PAK1: variants seen among roughly 807,000 people sequenced by gnomAD.
The protein encoded by PAK1 is p21 (RAC1) activated kinase 1.
PAK1 carries 29 observed loss-of-function variants against 67.4 expected under a neutral mutation model. The ratio of observed to expected loss-of-function variants is 0.43; its 90% CI spans 0.32 to 0.59. PAK1 has a LOEUF of 0.59. Among genes scored for constraint, PAK1 ranks in the 20% least tolerant of loss-of-function variants. The pLI is 0.07. For missense variants in PAK1, 337 were observed against 670.7 expected (o/e 0.50, Z 5.50); for synonymous variants, 223 against 237.4 (o/e 0.94, Z 0.56).
the PAK1 span, among the ~76,000 whole-genome samples, chr11:77,485,820 G>GAGC: frequency 6.6e-5 from 10 of 152,174 alleles, no homozygotes; most frequent in Admixed American, 3.9e-4. Flanking sequence ...GAGTTATCTA[G>GAGC]AGCAGCAGCA....
At chr11:77,433,489 TA>T (rs1369476524) in intron 1 of PAK1, among the ~76,000 whole-genome samples, 1 of 152,022 alleles carries the variant, frequency 6.6e-6, no homozygotes, top group Non-Finnish European at 1.5e-5. Context: ...ATAATAATAG[TA>T]AAAAAGAGGC....
At chr11:77,382,030 T>C (rs1174771723) in intron 2 of PAK1, among the ~76,000 whole-genome samples, 1 of 152,250 alleles carries the variant, frequency 6.6e-6, no homozygotes, top group African/African-American at 2.4e-5. Flanking sequence ...ACTTTCTGTT[T>C]CTAAATTCCC....
the PAK1 span, among the ~76,000 whole-genome samples, chr11:77,503,599 A>G: frequency 6.6e-6 from 1 of 152,184 alleles, no homozygotes; most frequent in East Asian, 1.9e-4. Context: ...ATGGTAGCTC[A>G]TGCCTGTAAT....
intron 1 of PAK1, among the ~76,000 whole-genome samples, chr11:77,450,733 A>G (rs1236855432): frequency 6.6e-6 from 1 of 152,234 alleles, no homozygotes; most frequent in Admixed American, 6.5e-5. Flanking sequence ...TAACAGAGAC[A>G]GAGATCACAA....
intron 1 of PAK1, among the ~76,000 whole-genome samples, chr11:77,413,482 A>C (rs1174140946): frequency 6.6e-6 from 1 of 152,090 alleles, no homozygotes. Flanking sequence ...TCAGGAGTTC[A>C]AGGCCAGCCT....
At chr11:77,434,605 G>A (rs1195229636) in intron 1 of PAK1, among the ~76,000 whole-genome samples, 1 of 151,678 alleles carries the variant, frequency 6.6e-6, no homozygotes, top group Non-Finnish European at 1.5e-5. Context: ...ACACCACTAT[G>A]CCCAGCTAAT....
chr11:77,481,650 G>A, the PAK1 span, among the ~76,000 whole-genome samples: 1 of 143,724 alleles, frequency 7.0e-6, no homozygotes, highest in Non-Finnish European at 1.5e-5. Flanking sequence ...ACTCCAGCCT[G>A]GTGACAGAGG....
At chr11:77,399,527 T>C (rs1952319894) in intron 1 of PAK1, among the ~76,000 whole-genome samples, 1 of 152,132 alleles carries the variant, frequency 6.6e-6, no homozygotes, top group Non-Finnish European at 1.5e-5. Context: ...CAGGGAGAAG[T>C]ATATTAATAT....
At chr11:77,423,237 GACAAT>G (rs1316828179) in intron 1 of PAK1, among the ~76,000 whole-genome samples, 2 of 149,148 alleles carry the variant, frequency 1.3e-5, no homozygotes, top group African/African-American at 5.0e-5. Flanking sequence ...AGCAAATTAA[GACAAT>G]ACTAGATAGA....
chr11:77,409,811 G>A (rs1422777369), intron 1 of PAK1, among the ~76,000 whole-genome samples: 2 of 151,116 alleles, frequency 1.3e-5, no homozygotes, highest in African/African-American at 2.4e-5. Context: ...GGATGAAGGG[G>A]GAAAAAAAGA....
At chr11:77,332,076 G>T (rs999004651) in intron 14 of PAK1, among the ~76,000 whole-genome samples, 1 of 151,430 alleles carries the variant, frequency 6.6e-6, no homozygotes, top group African/African-American at 2.4e-5. Flanking sequence ...AGCGAAGTGC[G>T]CAGATCGCTT....
Position 77,340,772 on chromosome 11 carries a change from A to G in PAK1, c.999-9T>C. ...CATCTCCCACGAGGTAACTGCAGGAATACAGATAAAGGGTGAGAGAGAACA... is the reference window on the plus strand; with the variant it reads ...CATCTCCCACGAGGTAACTGCAGGAGTACAGATAAAGGGTGAGAGAGAACA... On this transcript the variant is annotated splice_polypyrimidine_tract_variant and intron_variant, in intron 10 of 14. Transcript: ENST00000356341. The G allele has an allele frequency of 7.1e-7, 1 of 1,416,952 alleles. No individual in the cohort carries two copies. The highest frequency in any genetic ancestry group is 1.0e-6 in the Non-Finnish European group (1 of 1,000,248). 87.8% of individuals were successfully genotyped at this position (1,416,952 alleles called of 1,614,324 possible).
upstream of PAK1, chr11:77,474,536 T>TA (rs1958026164): frequency 6.6e-6 from 1 of 152,282 alleles, no homozygotes; most frequent in Middle Eastern, 3.4e-3. Flanking sequence ...GAAAGACGGC[T>TA]AACTTCCGGC....
At chr11:77,363,509 T>A (rs1211410355) in intron 5 of PAK1, among the ~76,000 whole-genome samples, 1 of 152,216 alleles carries the variant, frequency 6.6e-6, no homozygotes, top group Non-Finnish European at 1.5e-5. Flanking sequence ...GTTCTTTCCA[T>A]TAAACCTTCT....
At chr11:77,400,512 G>C (rs577395525) in intron 1 of PAK1, among the ~76,000 whole-genome samples, 2 of 152,176 alleles carry the variant, frequency 1.3e-5, no homozygotes, top group African/African-American at 4.8e-5. Context: ...CTGCACTGAG[G>C]ACTCAGTGAT....
intron 1 of PAK1, among the ~76,000 whole-genome samples, chr11:77,458,025 A>T (rs946341178): frequency 6.6e-6 from 1 of 152,222 alleles, no homozygotes; most frequent in African/African-American, 2.4e-5. Context: ...AATTTAAAAA[A>T]CACAATCCCA....
At chr11:77,413,112 G>T (rs1237327501) in intron 1 of PAK1, among the ~76,000 whole-genome samples, 1 of 152,130 alleles carries the variant, frequency 6.6e-6, no homozygotes. Flanking sequence ...CAGATTATGC[G>T]GTGTCTCTTT....
At chr11:77,434,503 G>A (rs1374240591) in intron 1 of PAK1, among the ~76,000 whole-genome samples, 1 of 151,796 alleles carries the variant, frequency 6.6e-6, no homozygotes, top group African/African-American at 2.4e-5. Context: ...CTGGAGAGCA[G>A]TGGAACTATC....
chr11:77,525,111 G>A, the PAK1 span, among the ~76,000 whole-genome samples: 1 of 151,650 alleles, frequency 6.6e-6, no homozygotes, highest in Non-Finnish European at 1.5e-5. Context: ...TTGGGAGGTC[G>A]AGGTGGGCAG....
Sources: gnomAD v4.1 joint callset for allele counts (sites outside exome capture counted in the v4.1 genomes callset) on GRCh38, gnomAD v4.1.1 for gene constraint, MANE v1.5 for transcripts, NCBI Gene and HGNC (gene_info 2026-07-23, HGNC 2026-07-21) for gene names.